FAM193A: variants seen among roughly 807,000 people sequenced by gnomAD.
FAM193A encodes family with sequence similarity 193 member A, also known as protein FAM193A.
FAM193A carries 22 observed loss-of-function variants against 126.5 expected under a neutral mutation model. That is an observed-to-expected ratio of 0.17 (90% CI 0.12 to 0.25). The LOEUF is 0.25. FAM193A is among the 10% of genes least tolerant of loss of function. The probability of loss-of-function intolerance (pLI) is 1.00; values close to 1 mark genes in which losing one functional copy is unlikely to be tolerated. For synonymous variants in FAM193A, 761 were observed against 646.8 expected (o/e 1.18, Z -2.68); for missense variants, 1,675 against 1,672.8 (o/e 1.00, Z -0.02).
intron 2 of FAM193A, among the ~76,000 whole-genome samples, chr4:2,617,639 T>C (rs1206821959): frequency 6.6e-6 from 1 of 152,120 alleles, no homozygotes. Context: ...TGTTTTATAA[T>C]TTTTTAGCTA....
chr4:2,697,468 G>A (rs1195705328), intron 18 of FAM193A, among the ~76,000 whole-genome samples: 1 of 152,220 alleles, frequency 6.6e-6, no homozygotes, highest in African/African-American at 2.4e-5. Flanking sequence ...CCAAGAACCA[G>A]ACCTCAGTGA....
In FAM193A at chr4:2,695,184, C is replaced by T. The variant is rs548565741; in HGVS notation, c.3276+55C>T. On this transcript the variant is annotated intron_variant, in intron 17 of 20. Transcript: ENST00000637812. ...GTGGGAAGTGTGCAACACACGGGCT[C>T]CTTTGCAGAAATTCTGTACTAGGTT... The T allele has an allele frequency of 2.8e-6, 4 of 1,444,744 alleles. No individual in the cohort carries two copies. In the Admixed American group the frequency reaches 7.7e-5, roughly 28 times the overall value. The allele number at this position is 1,444,744 out of a possible 1,614,324, so 89.5% of individuals were successfully genotyped here.
intron 19 of FAM193A, among the ~76,000 whole-genome samples, chr4:2,708,516 G>A (rs1054189882): frequency 1.3e-5 from 2 of 151,610 alleles, no homozygotes; most frequent in African/African-American, 2.4e-5. Context: ...AGGCTGGAGT[G>A]CAGTGGCGCG....
chr4:2,606,661 A>T (rs1403675545), intron 2 of FAM193A, among the ~76,000 whole-genome samples: 2 of 152,208 alleles, frequency 1.3e-5, no homozygotes, highest in Admixed American at 1.3e-4. Flanking sequence ...GTAACATCAC[A>T]TGTTGGTTAT....
intron 6 of FAM193A, among the ~76,000 whole-genome samples, chr4:2,645,512 C>A (rs779756773): frequency 6.6e-6 from 1 of 151,220 alleles, no homozygotes; most frequent in Non-Finnish European, 1.5e-5. Flanking sequence ...TGCCATCTTT[C>A]TTTTTTTTTC....
In FAM193A at chr4:2,661,490, A is replaced by G. The variant is rs113075136; in HGVS notation, c.1746-1348A>G. Among the ~76,000 whole-genome samples, 655 of 152,218 alleles carry G rather than the reference A, an allele frequency of 4.3e-3. 6 individuals are homozygous for G. Among genetic ancestry groups the G allele is most frequent in the African/African-American group, 0.015 (632 of 41,536 alleles). ...GTTTTCTCATCTGTAAATTGTGCCTATGGTCATCCTCAGGAGTGTGTATGA... is the reference window on the plus strand; with the variant it reads ...GTTTTCTCATCTGTAAATTGTGCCTGTGGTCATCCTCAGGAGTGTGTATGA... On this transcript the variant is annotated intron_variant, in intron 10 of 20. Transcript: ENST00000637812.
intron 18 of FAM193A, 49 bp downstream of exon 18, chr4:2,696,642 G>T: frequency 3.4e-6 from 5 of 1,458,984 alleles, no homozygotes; most frequent in South Asian, 1.2e-5. Context: ...GAGGGCATTT[G>T]AAGGTGCCGT....
chr4:2,678,129 G>C (rs1329234833), intron 13 of FAM193A, among the ~76,000 whole-genome samples: 1 of 151,310 alleles, frequency 6.6e-6, no homozygotes, highest in Non-Finnish European at 1.5e-5. Flanking sequence ...TCCCGTACAG[G>C]CACGTGCCAC....
intron 2 of FAM193A, among the ~76,000 whole-genome samples, chr4:2,603,401 C>T (rs1036591282): frequency 5.3e-5 from 8 of 150,898 alleles, no homozygotes; most frequent in African/African-American, 1.9e-4. Context: ...TCTCCTTCCT[C>T]AGCCGCCCTA....
At chr4:2,642,631 A>T (rs1458660352) in intron 6 of FAM193A, among the ~76,000 whole-genome samples, 1 of 138,936 alleles carries the variant, frequency 7.2e-6, no homozygotes, top group Non-Finnish European at 1.6e-5. Flanking sequence ...CAGGGAATCT[A>T]CCTTAAAAAA....
At chr4:2,724,854 A>G (rs1040583791) in intron 20 of FAM193A, among the ~76,000 whole-genome samples, 3 of 152,192 alleles carry the variant, frequency 2.0e-5, no homozygotes, top group African/African-American at 4.8e-5. Context: ...AATTCAGTCA[A>G]CTGAGAAGGT....
In FAM193A at chr4:2,641,201, C is replaced by G. The variant is rs192531616; in HGVS notation, c.1163+1342C>G. Among the ~76,000 whole-genome samples, 4 of 151,490 alleles carry G rather than the reference C, an allele frequency of 2.6e-5. No homozygotes were observed. In the East Asian group the frequency reaches 8.3e-4, roughly 31 times the overall value. ...GATTGGGATTACAGGCTTGCACCACCACGCCTGGCTAATTTTTGTATTTTT... is the reference window on the plus strand; with the variant it reads ...GATTGGGATTACAGGCTTGCACCACGACGCCTGGCTAATTTTTGTATTTTT... On this transcript the variant is annotated intron_variant, in intron 6 of 20. Transcript: ENST00000637812.
At chr4:2,672,917 C>G (rs1713986595) in intron 13 of FAM193A, among the ~76,000 whole-genome samples, 1 of 152,122 alleles carries the variant, frequency 6.6e-6, no homozygotes, top group Non-Finnish European at 1.5e-5. Context: ...GGGGAGGGTA[C>G]AGAAAGGAGA....
intron 1 of FAM193A, among the ~76,000 whole-genome samples, chr4:2,594,820 CTTTTT>C (rs386399069): frequency 4.0e-4 from 25 of 62,224 alleles, no homozygotes; most frequent in East Asian, 1.1e-3. Context: ...TTTTCTTTTC[CTTTTT>C]TTTTTTTTTT....
chr4:2,576,916 A>G (rs188663023), intron 1 of FAM193A, among the ~76,000 whole-genome samples: 7 of 152,360 alleles, frequency 4.6e-5, no homozygotes, highest in Admixed American at 6.5e-5. Context: ...CAGCAGGAAT[A>G]GAGATGTACC....
At chr4:2,717,480 C>G (rs913077244) in intron 20 of FAM193A, among the ~76,000 whole-genome samples, 1 of 151,734 alleles carries the variant, frequency 6.6e-6, no homozygotes, top group African/African-American at 2.4e-5. Flanking sequence ...CCTGTAATCC[C>G]AGCTACTCAG....
Position 2,691,728 on chromosome 4 carries a change from C to T in FAM193A, c.2803+758C>T, listed in dbSNP as rs1468697872. 2.0e-5 allele frequency among the ~76,000 whole-genome samples: 3 copies of T among 149,842 alleles called. 1 individual carries two copies. In the Admixed American group the frequency reaches 2.0e-4, roughly 10 times the overall value. ...GCTGAGAGGGGAGGGTTGCTTAAGC[C>T]TGGGAGTTTGAGACTAGCCTGGGCA... On this transcript the variant is annotated intron_variant, in intron 15 of 20. Transcript: ENST00000637812.
intron 2 of FAM193A, among the ~76,000 whole-genome samples, chr4:2,618,400 G>A (rs1397545906): frequency 1.3e-5 from 2 of 151,852 alleles, no homozygotes; most frequent in Admixed American, 6.6e-5. Context: ...CATTTTTTCA[G>A]TCTTCTCTGT....
chr4:2,631,848 C>T (rs1372845932), intron 5 of FAM193A, among the ~76,000 whole-genome samples: 1 of 152,186 alleles, frequency 6.6e-6, no homozygotes, highest in South Asian at 2.1e-4. Context: ...CAATCCTCAA[C>T]AGCCTCAGTG....
Sources: allele counts gnomAD v4.1 joint callset (sites outside exome capture counted in the v4.1 genomes callset), GRCh38; gene constraint gnomAD v4.1.1; transcripts MANE v1.5; gene names NCBI Gene and HGNC (gene_info 2026-07-23, HGNC 2026-07-21).